CACTIN: variants seen among roughly 807,000 people sequenced by gnomAD.
CACTIN encodes splicing factor Cactin.
CACTIN carries 20 observed loss-of-function variants against 84.9 expected under a neutral mutation model. That is an observed-to-expected ratio of 0.24 (90% CI 0.17 to 0.34). The LOEUF is 0.34. CACTIN is among the 10% of genes least tolerant of loss of function. CACTIN has a pLI of 1.00. For missense variants in CACTIN, 897 were observed against 1,117.2 expected, an observed-to-expected ratio of 0.80 and a Z score of 2.81; for synonymous variants, 549 against 467.9, an observed-to-expected ratio of 1.17 and a Z score of -2.24.
chr19:3,611,782 G>A lies in CACTIN; in HGVS notation c.*141C>T. Reference sequence around the variant, plus strand: ...TTTATATAGGAGGAAACTGAGGCCTGGCGAAAGAAAGATGCGGCCTGAGGT... The same window carrying A: ...TTTATATAGGAGGAAACTGAGGCCTAGCGAAAGAAAGATGCGGCCTGAGGT... On this transcript the variant is annotated 3_prime_UTR_variant, in exon 10 of 10. Transcript: ENST00000429344. 3 of 1,096,722 alleles carry A rather than the reference G, an allele frequency of 2.7e-6. No individual in the cohort carries two copies. The highest frequency in any genetic ancestry group is 4.0e-6 in the Non-Finnish European group (3 of 746,136). 67.9% of individuals were successfully genotyped at this position (1,096,722 alleles called of 1,614,324 possible).
chr19:3,614,696 T>G, intron 6 of CACTIN, 107 bp from the exon 7 acceptor site: 1 of 860,100 alleles, frequency 1.2e-6, no homozygotes, highest in Non-Finnish European at 1.9e-6. Flanking sequence ...TCCCCTCCTC[T>G]TCCCCCACAG....
chr19:3,616,367 T>A lies in CACTIN; in HGVS notation c.1163-1778A>T, dbSNP rs2033106545. 3 of 152,218 alleles carry A rather than the reference T, an allele frequency of 2.0e-5. No homozygotes were observed. The South Asian group carries it at 6.2e-4, about 32-fold the overall frequency. The allele number at this position is 152,218 out of a possible 1,614,324, so 9.4% of individuals were successfully genotyped here. On this transcript the variant is annotated intron_variant, in intron 6 of 9. Transcript: ENST00000429344. Reference sequence around the variant, plus strand: ...GGCTCACGCCTGTAATCCCAGCACTTTTGGAGGCTGAGGTGGGTGGATCAC... The same window carrying A: ...GGCTCACGCCTGTAATCCCAGCACTATTGGAGGCTGAGGTGGGTGGATCAC...
At chr19:3,625,626 G>T (rs1286231905) in intron 1 of CACTIN, among the ~76,000 whole-genome samples, 1 of 152,228 alleles carries the variant, frequency 6.6e-6, no homozygotes, top group Non-Finnish European at 1.5e-5. Flanking sequence ...AGCTACCGGG[G>T]AGGCTGAGGC....
At chr19:3,624,949 T>TGCAGTG (rs367596736) in intron 1 of CACTIN, among the ~76,000 whole-genome samples, 7,882 of 152,136 alleles carry the variant, frequency 0.052, 530 homozygotes, top group African/African-American at 0.16. Context: ...CAGGCTGGAG[T>TGCAGTG]GCATGATCAG....
Position 3,626,759 on chromosome 19 carries a change from C to G in CACTIN, c.4G>C (p.Gly2Arg). The change falls in exon 1 of 10, where the codon GGT (glycine) becomes CGT (arginine). Residue 2 changes from glycine to arginine, a missense_variant. Physicochemically the swap from Gly to Arg is moderately radical, Grantham distance 125. Coordinates refer to ENST00000429344, the MANE Select transcript of CACTIN (RefSeq NM_001080543.2). M[G>R]RDTRSRSRSA... Reference sequence around the variant, plus strand: ...CGCGAGCGCGAGCGTGTGTCCCGACCCATCGGCTGGGCCAGTGGCCGCGGC... The same window carrying G: ...CGCGAGCGCGAGCGTGTGTCCCGACGCATCGGCTGGGCCAGTGGCCGCGGC... 1 of 1,435,856 alleles carries G rather than the reference C, an allele frequency of 7.0e-7. No homozygotes were observed. Among genetic ancestry groups the G allele is most frequent in the South Asian group, 1.4e-5 (1 of 70,658 alleles). The allele number at this position is 1,435,856 out of a possible 1,614,324, so 88.9% of individuals were successfully genotyped here.
Position 3,626,768 on chromosome 19 carries a change from G to A in CACTIN, c.-6C>T, listed in dbSNP as rs1362432719. On this transcript the variant is annotated 5_prime_UTR_variant, in exon 1 of 10. Coordinates refer to ENST00000429344, the MANE Select transcript of CACTIN (RefSeq NM_001080543.2). ...GAGCGTGTGTCCCGACCCATCGGCT[G>A]GGCCAGTGGCCGCGGCACCAACACC... 14 of 1,389,584 alleles carry A rather than the reference G, an allele frequency of 1.0e-5. No homozygotes were observed. Among genetic ancestry groups the A allele is most frequent in the Non-Finnish European group, 1.2e-5 (13 of 1,070,642 alleles). 86.1% of individuals were successfully genotyped at this position (1,389,584 alleles called of 1,614,324 possible).
rs983008106 is a variant in CACTIN at position 3,610,986 on chromosome 19, T to C, written c.*937A>G. On this transcript the variant is annotated 3_prime_UTR_variant, in exon 10 of 10. Transcript: ENST00000429344. ...GCCCTCCTGGCCTGAGAAAGGGGAG[T>C]GAGAAGGAGCCACTGTCCTGATATG... is the stretch of plus-strand genomic sequence containing the variant. 1 of 456,018 alleles carries C rather than the reference T, an allele frequency of 2.2e-6. No individual in the cohort carries two copies. Among genetic ancestry groups the C allele is most frequent in the Admixed American group, 2.4e-5 (1 of 42,514 alleles). The allele number at this position is 456,018 out of a possible 1,614,324, so 28.2% of individuals were successfully genotyped here. A position where few individuals can be genotyped will look rare whatever the true frequency, so the allele number is the denominator to read the frequency against.
Position 3,623,925 on chromosome 19 carries a change from G to A in CACTIN, c.405C>T (p.Ser135=), listed in dbSNP as rs1219075023. 1.9e-6 allele frequency: 3 copies of A among 1,605,152 alleles called. No individual in the cohort carries two copies. Among genetic ancestry groups the A allele is most frequent in the South Asian group, 2.2e-5 (2 of 90,986 alleles). ...GCCGCTCCTGCAGGCTCTGCTGCTG[G>A]CTCAGGGCAGCCGCGGCCGCCCGGG... ...QSPRAAAAAL[S]QQQSLQERLR... is the part of the protein sequence containing the mutation. Residue 135 remains serine, a synonymous_variant, in exon 2 of 10, where the codon AGC becomes AGT. Transcript: ENST00000429344.
At chr19:3,619,043 G>A in intron 5 of CACTIN, 37 bp downstream of exon 5, 1 of 1,549,742 alleles carries the variant, frequency 6.5e-7, no homozygotes, top group Non-Finnish European at 8.7e-7. Context: ...TGGGGGTGAG[G>A]GTGCAGGTCA....
intron 1 of CACTIN, 53 bp from the exon 2 acceptor site, chr19:3,624,215 C>G: frequency 7.0e-7 from 1 of 1,434,764 alleles, no homozygotes; most frequent in Non-Finnish European, 9.4e-7. Flanking sequence ...TCATCTGCTC[C>G]ACAGATGCTT....
At chr19:3,619,699 C>T (rs911912714) in intron 4 of CACTIN, among the ~76,000 whole-genome samples, 21 of 152,256 alleles carry the variant, frequency 1.4e-4, no homozygotes, top group African/African-American at 4.6e-4. Flanking sequence ...GCGTTGCAGG[C>T]GGGCCCTGGT....
Position 3,611,723 on chromosome 19 carries a change from A to G in CACTIN, c.*200T>C, listed in dbSNP as rs776090305. On this transcript the variant is annotated 3_prime_UTR_variant, in exon 10 of 10. Coordinates refer to ENST00000429344, the MANE Select transcript of CACTIN (RefSeq NM_001080543.2). Reference sequence around the variant, plus strand: ...GGCCAGCCTGTCCCAGTGTCTCCTCAGCTCACCATGGCAGGCTCAATGGTG... The same window carrying G: ...GGCCAGCCTGTCCCAGTGTCTCCTCGGCTCACCATGGCAGGCTCAATGGTG... The G allele has an allele frequency of 1.4e-6, 1 of 710,066 alleles. No individual in the cohort carries two copies. The highest frequency in any genetic ancestry group is 2.4e-6 in the Non-Finnish European group (1 of 412,490). 44.0% of individuals were successfully genotyped at this position (710,066 alleles called of 1,614,324 possible).
chr19:3,622,729 T>C (rs766228416), intron 2 of CACTIN, among the ~76,000 whole-genome samples: 5 of 152,194 alleles, frequency 3.3e-5, no homozygotes, highest in Admixed American at 2.6e-4. Context: ...GATGATAAGT[T>C]CTGTTGTCTT....
rs767235437 is a variant in CACTIN at position 3,613,239 on chromosome 19, G to A, written c.1605C>T (p.Gly535=). The change falls in exon 9 of 10, where the codon GGC becomes GGT. Residue 535 remains glycine (G), a synonymous_variant. Transcript: ENST00000429344. ...CCTCCATGAGCACCGCCTCGCCCTC[G>A]CCCTCGCCCTCACCGTCCCCGTCGC... The part of the protein sequence containing the change: ...GDGDGDGEGE[G]EGEAVLMEED... The A allele has an allele frequency of 1.9e-6, 3 of 1,610,538 alleles. No homozygotes were observed. Among genetic ancestry groups the A allele is most frequent in the South Asian group, 2.2e-5 (2 of 91,028 alleles).
At chr19:3,619,854 G>A (rs1161782087) in intron 4 of CACTIN, among the ~76,000 whole-genome samples, 1 of 152,170 alleles carries the variant, frequency 6.6e-6, no homozygotes, top group African/African-American at 2.4e-5. Flanking sequence ...CCTCCTGGGT[G>A]GAGTGTGGGA....
At chr19:3,621,208 AG>A (rs1273206057) in intron 2 of CACTIN, among the ~76,000 whole-genome samples, 1 of 152,236 alleles carries the variant, frequency 6.6e-6, no homozygotes, top group African/African-American at 2.4e-5. Flanking sequence ...TCAGCAAGTC[AG>A]GGTCCCCCAC....
Position 3,623,789 on chromosome 19 carries a change from TC to T in CACTIN, c.540del (p.Lys181SerfsTer49). The part of the protein sequence containing the change: ...RLAKKEAKER[K>X]KREKMGWGEE... ...TCACCCCAGCCCATCTTCTCCCGCT[TC>T]TTGCGCTCCTTGGCCTCCTTCTTGG... On this transcript the variant is annotated frameshift_variant, in exon 2 of 10. Coordinates refer to ENST00000429344, the MANE Select transcript of CACTIN (RefSeq NM_001080543.2). LOFTEE classifies it high-confidence loss of function. 1 of 1,613,970 alleles carries T rather than the reference TC, an allele frequency of 6.2e-7. No individual in the cohort carries two copies. The highest frequency in any genetic ancestry group is 8.5e-7 in the Non-Finnish European group (1 of 1,179,880).
chr19:3,617,802 G>A (rs1482275322), intron 6 of CACTIN, among the ~76,000 whole-genome samples: 1 of 152,178 alleles, frequency 6.6e-6, no homozygotes, highest in Non-Finnish European at 1.5e-5. Context: ...CACCTCTGAT[G>A]CTGGAGAACT....
intron 7 of CACTIN, chr19:3,614,014 C>A: frequency 2.2e-6 from 1 of 451,088 alleles, no homozygotes. Flanking sequence ...GGCAGCAGCG[C>A]TGGGAGGGCG....
Sources: allele counts gnomAD v4.1 joint callset (sites outside exome capture counted in the v4.1 genomes callset), GRCh38; gene constraint gnomAD v4.1.1; transcripts MANE v1.5; gene names NCBI Gene and HGNC (gene_info 2026-07-23, HGNC 2026-07-21).